Variants in GPD1L observed in about 807,000 individuals in gnomAD.
The protein encoded by GPD1L is glycerol-3-phosphate dehydrogenase 1-like protein.
Under a neutral mutation model 32.9 loss-of-function variants are expected in GPD1L, and 17 were observed. That is an observed-to-expected ratio of 0.52 (90% confidence interval 0.35 to 0.78). The LOEUF is 0.78. Ranked by LOEUF, GPD1L falls within the 30% of genes least tolerant of loss-of-function variation. The pLI, the probability that GPD1L is intolerant of heterozygous loss-of-function variation, is 0.01. For missense variants in GPD1L, 361 were observed against 447.8 expected, an observed-to-expected ratio of 0.81 and a Z score of 1.75; for synonymous variants, 187 against 165.9, an observed-to-expected ratio of 1.13 and a Z score of -0.98.
At chr3:32,128,433 A>G (rs952732299) in intron 2 of GPD1L, among the ~76,000 whole-genome samples, 180 bp downstream of exon 2, 24 of 152,144 alleles carry the variant, frequency 1.6e-4, no homozygotes, top group African/African-American at 5.8e-4. Context: ...TATGTTGCTA[A>G]GGATGCCTTA....
At chr3:32,157,900 G>T (rs1040865251) in intron 5 of GPD1L, among the ~76,000 whole-genome samples, 10 of 152,198 alleles carry the variant, frequency 6.6e-5, no homozygotes, top group African/African-American at 2.2e-4. Context: ...TTTGCCTTGT[G>T]TCTAGCAGAG....
At chr3:32,150,162 C>T (rs1420570128) in intron 5 of GPD1L, among the ~76,000 whole-genome samples, 2 of 152,118 alleles carry the variant, frequency 1.3e-5, no homozygotes, top group Non-Finnish European at 2.9e-5. Flanking sequence ...TTTTATATGC[C>T]ATCGTTTGCA....
At chr3:32,146,333 G>A (rs929685647) in intron 4 of GPD1L, among the ~76,000 whole-genome samples, 2 of 151,918 alleles carry the variant, frequency 1.3e-5, no homozygotes, top group African/African-American at 2.4e-5. Context: ...TGATCTGCCC[G>A]CCTCAGCCTC....
intron 1 of GPD1L, among the ~76,000 whole-genome samples, chr3:32,121,665 A>T (rs1700420001): frequency 7.3e-6 from 1 of 137,398 alleles, no homozygotes; most frequent in Admixed American, 7.8e-5. Flanking sequence ...ATTTCTATAT[A>T]TATTTCTATG....
At chr3:32,152,804 C>T (rs1481446601) in intron 5 of GPD1L, among the ~76,000 whole-genome samples, 5 of 150,810 alleles carry the variant, frequency 3.3e-5, no homozygotes, top group African/African-American at 1.2e-4. Context: ...GTCACATCTA[C>T]CTTCCAAGCA....
chr3:32,142,213 G>T (rs934171333), intron 4 of GPD1L, among the ~76,000 whole-genome samples: 4 of 151,886 alleles, frequency 2.6e-5, no homozygotes, highest in Non-Finnish European at 5.9e-5. Context: ...CCAATTCCCT[G>T]GTTCAAGCGA....
At chr3:32,151,147 A>C (rs1700914167) in intron 5 of GPD1L, 1 of 545,298 alleles carries the variant, frequency 1.8e-6, no homozygotes, top group Non-Finnish European at 3.6e-6. Flanking sequence ...GTTCCCACAA[A>C]GTGCGCTTCT....
chr3:32,108,031 G>A (rs140779375), intron 1 of GPD1L, among the ~76,000 whole-genome samples: 4 of 152,250 alleles, frequency 2.6e-5, no homozygotes, highest in African/African-American at 7.2e-5. Flanking sequence ...TTACAGGTGT[G>A]AGCCACCGCT....
Position 32,166,073 on chromosome 3 carries a change from A to T in GPD1L, c.*163A>T, listed in dbSNP as rs1459201756. The T allele has an allele frequency of 4.4e-6, 3 of 675,386 alleles. No individual in the cohort carries two copies. In the Admixed American group the frequency reaches 6.2e-5, roughly 14 times the overall value. The allele number at this position is 675,386 out of a possible 1,614,324, so 41.8% of individuals were successfully genotyped here. A position where few individuals can be genotyped will look rare whatever the true frequency, so the allele number is the denominator to read the frequency against. ...TTTGAATTGTGAGAGGCAGTTCATT[A>T]GCAAAGATGTACTGGGCAGTAACTA... On this transcript the variant is annotated 3_prime_UTR_variant, in exon 8 of 8. Coordinates refer to ENST00000282541, the MANE Select transcript of GPD1L (RefSeq NM_015141.4).
chr3:32,144,854 C>CACACACACACA (rs774096008), intron 4 of GPD1L, among the ~76,000 whole-genome samples: 1 of 147,788 alleles, frequency 6.8e-6, no homozygotes, highest in African/African-American at 2.5e-5. Context: ...CACACACACA[C>CACACACACACA]CACCACGCCA....
chr3:32,151,227 T>G, intron 5 of GPD1L: 1 of 595,352 alleles, frequency 1.7e-6, no homozygotes, highest in Non-Finnish European at 3.2e-6. Context: ...CTTTTTCTGA[T>G]CATTTTCCTT....
chr3:32,106,660 G>C lies in GPD1L; in HGVS notation c.-52G>C. 6.8e-7 allele frequency: 1 copy of C among 1,474,342 alleles called. No homozygotes were observed. Among genetic ancestry groups the C allele is most frequent in the Non-Finnish European group, 9.0e-7 (1 of 1,107,050 alleles). 91.3% of individuals were successfully genotyped at this position (1,474,342 alleles called of 1,614,324 possible). On this transcript the variant is annotated 5_prime_UTR_variant, in exon 1 of 8. Coordinates refer to ENST00000282541, the MANE Select transcript of GPD1L (RefSeq NM_015141.4). The surrounding 1 kb of genome is among the most constrained non-coding windows in gnomAD (Gnocchi z 4.0). ...TGCGGGCAAGGCTGAACAGGCGGAG[G>C]TGGGCAGCCGGCCAGGGAAGCACGG...
At chr3:32,120,735 CAT>C (rs1392568267) in intron 1 of GPD1L, among the ~76,000 whole-genome samples, 1 of 152,188 alleles carries the variant, frequency 6.6e-6, no homozygotes, top group East Asian at 1.9e-4. Context: ...GCAAGTTATA[CAT>C]AACCCAGTCT....
At chr3:32,163,103 C>T (rs1428697272) in intron 7 of GPD1L, among the ~76,000 whole-genome samples, 1 of 149,332 alleles carries the variant, frequency 6.7e-6, no homozygotes, top group Non-Finnish European at 1.5e-5. Context: ...AGTCTGAAGT[C>T]TGAAACATCT....
At chr3:32,151,044 A>G (rs561604517) in intron 5 of GPD1L, 90 of 292,180 alleles carry the variant, frequency 3.1e-4, no homozygotes, top group African/African-American at 1.8e-3. Context: ...CTGGGGTTAC[A>G]TGCGTGAGCC....
chr3:32,166,109 C>CA lies in GPD1L; in HGVS notation c.*202dup. ...ACTGGGCAGTAACTAAACACACATG[C>CA]AAACATGTGAATGGTGGTTTATTCC... On this transcript the variant is annotated 3_prime_UTR_variant, in exon 8 of 8. Coordinates refer to ENST00000282541, the MANE Select transcript of GPD1L (RefSeq NM_015141.4). 3.2e-6 allele frequency: 2 copies of CA among 620,740 alleles called. No homozygotes were observed. Among genetic ancestry groups the CA allele is most frequent in the Non-Finnish European group, 5.8e-6 (2 of 342,102 alleles). The allele number at this position is 620,740 out of a possible 1,614,324, so 38.5% of individuals were successfully genotyped here.
chr3:32,138,252 G>A (rs1014856212), intron 2 of GPD1L, among the ~76,000 whole-genome samples: 1 of 152,192 alleles, frequency 6.6e-6, no homozygotes, highest in Non-Finnish European at 1.5e-5. Flanking sequence ...ACAGAATGGG[G>A]CAGAGAAGAG....
Position 32,158,968 on chromosome 3 carries a change from G to T in GPD1L, c.711G>T (p.Met237Ile), listed in dbSNP as rs185158781. 4 of 1,614,116 alleles carry T rather than the reference G, an allele frequency of 2.5e-6. No homozygotes were observed. The highest frequency in any genetic ancestry group is 3.4e-6 in the Non-Finnish European group (4 of 1,180,022). Reference sequence around the variant, plus strand: ...TCATCCGCCTGGGACTCATGGAAATGATTGCTTTTGCCAGGATCTTCTGCA... The same window carrying T: ...TCATCCGCCTGGGACTCATGGAAATTATTGCTTTTGCCAGGATCTTCTGCA... ...AAVIRLGLMEMIAFARIFCKG... is the reference protein window; with the variant it reads ...AAVIRLGLMEIIAFARIFCKG... The change falls in exon 6 of 8, where the codon ATG becomes ATT. Residue 237 changes from methionine to isoleucine, a missense_variant. By Grantham distance (10) the Met-to-Ile change is conservative. Coordinates refer to ENST00000282541, the MANE Select transcript of GPD1L (RefSeq NM_015141.4).
At position 32,159,097 on chromosome 3, in the gene GPD1L, C is replaced by G. The variant is rs757405501; in HGVS notation, c.840C>G (p.Ala280=). ...ACCGCAGGGTGGCCGAGGCCTTCGCCAGAACTGGGAAGGTAGCCCCTCACC... is the reference window on the plus strand; with the variant it reads ...ACCGCAGGGTGGCCGAGGCCTTCGCGAGAACTGGGAAGGTAGCCCCTCACC... ...GRNRRVAEAF[A]RTGKTIEELE... The change falls in exon 6 of 8, where the codon GCC becomes GCG. Residue 280 remains alanine, a synonymous_variant. Transcript: ENST00000282541. 2 of 1,613,238 alleles carry G rather than the reference C, an allele frequency of 1.2e-6. No individual in the cohort carries two copies. Among genetic ancestry groups the G allele is most frequent in the Non-Finnish European group, 1.7e-6 (2 of 1,179,618 alleles).
Sources: gnomAD v4.1 joint callset for allele counts (sites outside exome capture counted in the v4.1 genomes callset) on GRCh38, gnomAD v4.1.1 for gene constraint, Gnocchi (gnomAD v3.1) non-coding constraint, MANE v1.5 for transcripts, NCBI Gene and HGNC (gene_info 2026-07-23, HGNC 2026-07-21) for gene names.